Variants in RNASET2 observed in about 807,000 individuals in gnomAD.
RNASET2 encodes the protein ribonuclease 6.
In RNASET2, 28 loss-of-function variants were observed where a neutral mutation model predicts 33.9. The ratio of observed to expected loss-of-function variants is 0.83; its 90% confidence interval spans 0.61 to 1.13. The LOEUF is 1.13. Among genes scored for constraint, RNASET2 ranks in the 50% most tolerant of loss-of-function variants. RNASET2 has a pLI of 0.00. For synonymous variants in RNASET2, 123 were observed against 121.0 expected, an observed-to-expected ratio of 1.02 and a Z score of -0.11; for missense variants, 330 against 319.9, an observed-to-expected ratio of 1.03 and a Z score of -0.24.
At chr6:166,947,699 C>T (rs138394127) in intron 3 of RNASET2, among the ~76,000 whole-genome samples, 3 of 152,254 alleles carry the variant, frequency 2.0e-5, no homozygotes, top group African/African-American at 4.8e-5. Flanking sequence ...CCCAGTTTAA[C>T]TTGTTTTCCA....
intron 1 of RNASET2, chr6:166,955,477 G>C: frequency 3.0e-6 from 3 of 986,772 alleles, no homozygotes; most frequent in Non-Finnish European, 3.6e-6. Context: ...TCAAAAAGAG[G>C]AAGAACCGTC....
rs146811936 is a variant in RNASET2 at position 166,928,524 on chromosome 6, G to A, written c.*1064C>T. Among the ~76,000 whole-genome samples the A allele has an allele frequency of 1.7e-3, 251 of 149,496 alleles. 3 individuals are homozygous for A. Among genetic ancestry groups the A allele is most frequent in the South Asian group, 3.4e-3 (16 of 4,738 alleles). On this transcript the variant is annotated 3_prime_UTR_variant, in exon 9 of 9. Coordinates refer to ENST00000508775, the MANE Select transcript of RNASET2 (RefSeq NM_003730.6). Reference sequence around the variant, plus strand: ...ATTTCACGTGTTGAACACAATGCCTGGCACATAGTAAGTTCTATTTTAAAT... The same window carrying A: ...ATTTCACGTGTTGAACACAATGCCTAGCACATAGTAAGTTCTATTTTAAAT...
chr6:166,955,271 GCGCA>G (rs1562506959), intron 1 of RNASET2, among the ~76,000 whole-genome samples: 21 of 88,024 alleles, frequency 2.4e-4, no homozygotes, highest in African/African-American at 1.0e-3. Flanking sequence ...ACACACACAC[GCGCA>G]CACACGACAC....
Position 166,952,519 on chromosome 6 carries a change from A to G in RNASET2, c.116T>C (p.Met39Thr). 6.2e-7 allele frequency: 1 copy of G among 1,614,106 alleles called. No homozygotes were observed. The stretch of plus-strand genomic sequence containing the variant: ...TACTGTCTCAGGCCAGTGCTGAACC[A>G]TAATTAGTTTTTTCCACTCATGGTT... ...RDNHEWKKLI[M>T]VQHWPETVCE... The change falls in exon 2 of 9, where the codon ATG (methionine) becomes ACG (threonine). Residue 39 changes from methionine to threonine, a missense_variant. Met to Thr is a moderately conservative substitution (Grantham distance 81). Transcript: ENST00000508775.
At chr6:166,955,267 ACACGCG>A in intron 1 of RNASET2, among the ~76,000 whole-genome samples, 1 of 90,108 alleles carries the variant, frequency 1.1e-5, no homozygotes, top group Admixed American at 1.2e-4. Context: ...GCACACACAC[ACACGCG>A]CACACACGAC....
In RNASET2 at chr6:166,956,151, A is replaced by AGCAGGGCCCCGC; in HGVS notation, c.20_31dup (p.Arg7_Leu10dup). ...AAGCAACGCCAGGCAGAGGCAGCCC[A>AGCAGGGCCCCGC]GCAGGGCCCCGCGCAGGGCTGCAGG... is the stretch of plus-strand genomic sequence containing the variant. On this transcript the variant is annotated inframe_insertion, in exon 1 of 9. Transcript: ENST00000508775. 6.4e-7 allele frequency: 1 copy of AGCAGGGCCCCGC among 1,550,788 alleles called. No homozygotes were observed. The highest frequency in any genetic ancestry group is 1.4e-5 in the African/African-American group (1 of 73,156).
chr6:166,929,764 T>C lies in RNASET2; in HGVS notation c.595A>G (p.Ile199Val). 6.2e-7 allele frequency: 1 copy of C among 1,614,160 alleles called. No homozygotes were observed. The highest frequency in any genetic ancestry group is 8.5e-7 in the Non-Finnish European group (1 of 1,180,026). ...QDEEVQTIGQIELCLTKQDQQ... is the reference protein window; with the variant it reads ...QDEEVQTIGQVELCLTKQDQQ... ...TCTTGCTTAGTGAGGCACAGTTCTA[T>C]CTGACCAATTGTCTGTACTTCCTCA... The change falls in exon 9 of 9, where the codon ATA becomes GTA. Residue 199 changes from isoleucine to valine, a missense_variant. Transcript: ENST00000508775.
chr6:166,956,395 C>CG lies in RNASET2; in HGVS notation c.-214dup, dbSNP rs1459195219. The CG allele has an allele frequency of 8.5e-6, 5 of 591,202 alleles. No individual in the cohort carries two copies. The highest frequency in any genetic ancestry group is 3.8e-5 in the African/African-American group (2 of 52,844). The allele number at this position is 591,202 out of a possible 1,614,324, so 36.6% of individuals were successfully genotyped here. ...CCCCGCGCCGGGCTCCGGGAATGGC[C>CG]GCAGCAGCCCTGGCGACCCGGGCCC... On this transcript the variant is annotated 5_prime_UTR_variant, in exon 1 of 9. Transcript: ENST00000508775.
In RNASET2 at chr6:166,924,007, A is replaced by T. The variant is rs1398962372; in HGVS notation, c.*5581T>A. Among the ~76,000 whole-genome samples, 1 of 152,246 alleles carries T rather than the reference A, an allele frequency of 6.6e-6. No homozygotes were observed. The highest frequency in any genetic ancestry group is 2.4e-5 in the African/African-American group (1 of 41,464). On this transcript the variant is annotated 3_prime_UTR_variant, in exon 9 of 9. Transcript: ENST00000508775. ...CCTGATCCAAAGTTCGCAGAAACAA[A>T]AAGTGAAAACAGGCGATCTGCATGT...
intron 5 of RNASET2, among the ~76,000 whole-genome samples, chr6:166,942,587 G>T (rs895835233): frequency 6.6e-6 from 1 of 151,970 alleles, no homozygotes; most frequent in African/African-American, 2.4e-5. Context: ...GACCACAGCC[G>T]CACAATACCA....
intron 5 of RNASET2, among the ~76,000 whole-genome samples, chr6:166,941,570 C>T (rs535492306): frequency 1.3e-4 from 20 of 152,246 alleles, no homozygotes; most frequent in East Asian, 3.9e-4. Flanking sequence ...ATTCACCACC[C>T]GAATTTTCAA....
chr6:166,941,658 GA>G (rs1778696220), intron 5 of RNASET2, among the ~76,000 whole-genome samples: 1 of 152,098 alleles, frequency 6.6e-6, no homozygotes, highest in South Asian at 2.1e-4. Context: ...CAGAAAGGGG[GA>G]CATCACTTCC....
In RNASET2 at chr6:166,945,042, C is replaced by T. The variant is rs543648196; in HGVS notation, c.261+1640G>A. On this transcript the variant is annotated intron_variant, in intron 4 of 8. Coordinates refer to ENST00000508775, the MANE Select transcript of RNASET2 (RefSeq NM_003730.6). ...TGTCAGCCCTGCCCTCACCCACCCACGTCCACATCTGTCAGCCCTGCCCTC... is the reference window on the plus strand; with the variant it reads ...TGTCAGCCCTGCCCTCACCCACCCATGTCCACATCTGTCAGCCCTGCCCTC... 1.7e-3 allele frequency: 235 copies of T among 140,284 alleles called. 4 individuals are homozygous for T. The highest frequency in any genetic ancestry group is 6.6e-3 in the African/African-American group (227 of 34,600). 8.7% of individuals were successfully genotyped at this position (140,284 alleles called of 1,614,324 possible).
chr6:166,955,968 C>T (rs1779154727), intron 1 of RNASET2, 129 bp downstream of exon 1: 5 of 1,112,046 alleles, frequency 4.5e-6, no homozygotes, highest in South Asian at 1.4e-5. Flanking sequence ...GTGCTCGGCT[C>T]CCCCCGCCCT....
intron 4 of RNASET2, chr6:166,945,159 TG>T (rs1778802989): frequency 6.0e-6 from 1 of 167,352 alleles, no homozygotes; most frequent in Admixed American, 6.5e-5. Flanking sequence ...CGTCCACACC[TG>T]TCGGCCCTGA....
At chr6:166,938,702 T>A (rs776251809) in intron 6 of RNASET2, 193 bp downstream of exon 6, 23 of 768,158 alleles carry the variant, frequency 3.0e-5, no homozygotes, top group Non-Finnish European at 4.4e-5. Flanking sequence ...GTGATCGTGA[T>A]GTAGAATGAT....
intron 3 of RNASET2, among the ~76,000 whole-genome samples, chr6:166,947,120 C>G (rs1778867917): frequency 6.6e-6 from 1 of 152,014 alleles, no homozygotes; most frequent in Non-Finnish European, 1.5e-5. Flanking sequence ...GACCCCCGGC[C>G]AATCTCCGCA....
At chr6:166,949,119 C>A (rs1778918988) in intron 2 of RNASET2, among the ~76,000 whole-genome samples, 1 of 141,406 alleles carries the variant, frequency 7.1e-6, no homozygotes, top group South Asian at 2.2e-4. Context: ...GAGGCTGAGG[C>A]AGGAGAATTG....
intron 2 of RNASET2, among the ~76,000 whole-genome samples, chr6:166,950,959 G>A (rs1778970308): frequency 6.6e-6 from 1 of 152,240 alleles, no homozygotes; most frequent in South Asian, 2.1e-4. Flanking sequence ...ACAAGACAAA[G>A]AGACAGAAGA....
Sources: gnomAD v4.1 joint callset for allele counts (sites outside exome capture counted in the v4.1 genomes callset) on GRCh38, gnomAD v4.1.1 for gene constraint, MANE v1.5 for transcripts, NCBI Gene and HGNC (gene_info 2026-07-23, HGNC 2026-07-21) for gene names.